CSNK1E: variants seen among roughly 807,000 people sequenced by gnomAD.
CSNK1E encodes casein kinase I isoform epsilon.
A neutral mutation model predicts 46.1 loss-of-function variants in CSNK1E; 17 were observed. The ratio of observed to expected loss-of-function variants is 0.37; its 90% CI spans 0.25 to 0.55. CSNK1E has a LOEUF of 0.55. CSNK1E is among the 20% of genes least tolerant of loss of function. The pLI, the probability that CSNK1E is intolerant of heterozygous loss-of-function variation, is 0.82. For missense variants in CSNK1E, 386 were observed against 595.4 expected, an observed-to-expected ratio of 0.65 and a Z score of 3.66; for synonymous variants, 241 against 242.6, an observed-to-expected ratio of 0.99 and a Z score of 0.06.
chr22:38,300,511 G>C lies in CSNK1E; in HGVS notation c.565+213C>G, dbSNP rs1420421293. ...GGAGGAGGAAGCAGGGCCAGGGAAGGCGCCCGGCACACACAGCTTGGCTTA... is the reference window on the plus strand; with the variant it reads ...GGAGGAGGAAGCAGGGCCAGGGAAGCCGCCCGGCACACACAGCTTGGCTTA... On this transcript the variant is annotated intron_variant, in intron 5 of 10. Coordinates refer to ENST00000396832, the MANE Select transcript of CSNK1E (RefSeq NM_152221.3). The surrounding 1 kb of genome is among the most constrained non-coding windows in gnomAD (Gnocchi z 4.4). Among the ~76,000 whole-genome samples, 1 of 152,374 alleles carries C rather than the reference G, an allele frequency of 6.6e-6. No homozygotes were observed. Among genetic ancestry groups the C allele is most frequent in the South Asian group, 2.1e-4 (1 of 4,832 alleles).
chr22:38,304,685 C>T (rs2145841208), intron 2 of CSNK1E, among the ~76,000 whole-genome samples: 1 of 152,322 alleles, frequency 6.6e-6, no homozygotes, highest in Middle Eastern at 3.4e-3. Flanking sequence ...GCACTCCTCA[C>T]AGCAGCCAGA....
Position 38,294,408 on chromosome 22 carries a change from C to T in CSNK1E, c.1012G>A (p.Ala338Thr). 6.4e-7 allele frequency: 1 copy of T among 1,557,586 alleles called. No homozygotes were observed. Among genetic ancestry groups the T allele is most frequent in the Non-Finnish European group, 8.7e-7 (1 of 1,153,764 alleles). Residue 338 changes from alanine to threonine, a missense_variant, in exon 8 of 11, where the codon GCC becomes ACC. Coordinates refer to ENST00000396832, the MANE Select transcript of CSNK1E (RefSeq NM_152221.3). The surrounding 1 kb of genome is among the most constrained non-coding windows in gnomAD (Gnocchi z 5.5). ...TCGGCGGCACTGCGGAGCCGGTTGG[C>T]AGTGGCCCCCGTGGGTGGGCCAGGG... ...LPPGPPTGAT[A>T]NRLRSAAEPV...
intron 4 of CSNK1E, among the ~76,000 whole-genome samples, chr22:38,302,641 G>A (rs1363747174): frequency 2.6e-5 from 4 of 152,196 alleles, no homozygotes; most frequent in Non-Finnish European, 4.4e-5. Flanking sequence ...AACCTGGGAG[G>A]CGGATGTTGC....
At chr22:38,306,557 C>T (rs935172025) in intron 2 of CSNK1E, among the ~76,000 whole-genome samples, 1 of 152,112 alleles carries the variant, frequency 6.6e-6, no homozygotes, top group African/African-American at 2.4e-5. Flanking sequence ...ATGGTGAAAC[C>T]CCATCTCCAT....
chr22:38,300,221 C>T lies in CSNK1E; in HGVS notation c.566-156G>A, dbSNP rs78340378. Among the ~76,000 whole-genome samples the T allele has an allele frequency of 0.013, 1,996 of 152,348 alleles. 54 individuals carry two copies. The highest frequency in any genetic ancestry group is 0.046 in the African/African-American group (1,904 of 41,578). On this transcript the variant is annotated intron_variant, in intron 5 of 10. Coordinates refer to ENST00000396832, the MANE Select transcript of CSNK1E (RefSeq NM_152221.3). The surrounding 1 kb of genome is among the most constrained non-coding windows in gnomAD (Gnocchi z 4.4). ...ATTTTAAACAGGCACTGCTATTATC[C>T]TCCTCCTACAGAGAAGAAGCCTGAG...
rs758990683 is a variant in CSNK1E at position 38,293,357 on chromosome 22, A to G, written c.1219-38T>C. 8 of 1,326,508 alleles carry G rather than the reference A, an allele frequency of 6.0e-6. No individual in the cohort carries two copies. The Admixed American group carries it at 1.0e-4, about 17-fold the overall frequency. 82.2% of individuals were successfully genotyped at this position (1,326,508 alleles called of 1,614,324 possible). On this transcript the variant is annotated intron_variant, in intron 9 of 10. Transcript: ENST00000396832. The stretch of plus-strand genomic sequence containing the variant: ...GGGAGGGAGAGAGGGGGAGGGAGAG[A>G]GAGGGAGGTACAAGCTTCAAGTCAA...
rs1439895327 is a variant in CSNK1E, at chr22:38,298,243, C to T, written c.885+543G>A. On this transcript the variant is annotated intron_variant, in intron 7 of 10. Coordinates refer to ENST00000396832, the MANE Select transcript of CSNK1E (RefSeq NM_152221.3). This position sits in a 1 kb window ranked among gnomAD's most constrained non-coding sequence, Gnocchi z 4.2. ...ATGTGAAACAAGACATACAATTTCACAGATTCCAGAGCTCTGGGTACGGCC... is the reference window on the plus strand; with the variant it reads ...ATGTGAAACAAGACATACAATTTCATAGATTCCAGAGCTCTGGGTACGGCC... 3.1e-6 allele frequency: 4 copies of T among 1,293,206 alleles called. No homozygotes were observed. The Admixed American group carries it at 6.9e-5, about 22-fold the overall frequency. 80.1% of individuals were successfully genotyped at this position (1,293,206 alleles called of 1,614,324 possible).
At chr22:38,301,263 C>T (rs1416551219) in intron 4 of CSNK1E, among the ~76,000 whole-genome samples, 1 of 152,152 alleles carries the variant, frequency 6.6e-6, no homozygotes, top group Non-Finnish European at 1.5e-5. Flanking sequence ...GCTTGCCTGC[C>T]CGGCCCCACA....
chr22:38,306,709 G>A (rs1029228145), intron 2 of CSNK1E, among the ~76,000 whole-genome samples: 4 of 146,844 alleles, frequency 2.7e-5, no homozygotes, highest in African/African-American at 5.1e-5. Context: ...CCAGCCTGGC[G>A]ACAGAGCAAG....
intron 4 of CSNK1E, among the ~76,000 whole-genome samples, chr22:38,301,165 G>A (rs973053447): frequency 6.6e-6 from 1 of 152,224 alleles, no homozygotes; most frequent in Non-Finnish European, 1.5e-5. Context: ...TTGGCTGTGA[G>A]ACAGAGAAAG....
In CSNK1E at chr22:38,294,595, C is replaced by A; in HGVS notation, c.886-61G>T. ...AGAGGCCAGGGTGCTCTGGGCCCAG[C>A]AGCCCTGCAGGGCACAGAAGGGGAG... On this transcript the variant is annotated intron_variant, in intron 7 of 10. Coordinates refer to ENST00000396832, the MANE Select transcript of CSNK1E (RefSeq NM_152221.3). The surrounding 1 kb of genome is among the most constrained non-coding windows in gnomAD (Gnocchi z 5.5). 1.4e-6 allele frequency: 2 copies of A among 1,472,426 alleles called. No homozygotes were observed. Among genetic ancestry groups the A allele is most frequent in the Admixed American group, 2.5e-5 (1 of 39,594 alleles). 91.2% of individuals were successfully genotyped at this position (1,472,426 alleles called of 1,614,324 possible).
At chr22:38,297,291 C>G (rs1602543844) in intron 7 of CSNK1E, 1 of 619,512 alleles carries the variant, frequency 1.6e-6, no homozygotes, top group South Asian at 1.8e-5. Flanking sequence ...GAGCTGGTCC[C>G]AGGTGCTCAA....
chr22:38,299,700 G>C (rs569522127), intron 6 of CSNK1E, among the ~76,000 whole-genome samples, 195 bp downstream of exon 6: 1 of 152,364 alleles, frequency 6.6e-6, no homozygotes, highest in South Asian at 2.1e-4. Context: ...AGTAGAGACA[G>C]GGTTTCACCA....
chr22:38,302,804 G>A, intron 4 of CSNK1E, 57 bp downstream of exon 4: 1 of 1,601,982 alleles, frequency 6.2e-7, no homozygotes, highest in Non-Finnish European at 8.5e-7. Context: ...CAGGAGGCAG[G>A]GCTGGTATCC....
intron 2 of CSNK1E, among the ~76,000 whole-genome samples, chr22:38,305,940 CG>C (rs761108100): frequency 2.0e-5 from 3 of 152,230 alleles, no homozygotes; most frequent in Non-Finnish European, 4.4e-5. Context: ...CAAAACAAGG[CG>C]GGGACAAGGC....
chr22:38,302,186 C>T (rs1401958266), intron 4 of CSNK1E, among the ~76,000 whole-genome samples: 3 of 152,048 alleles, frequency 2.0e-5, no homozygotes, highest in African/African-American at 7.2e-5. Context: ...TCTGTGTGAC[C>T]GACCGCAGGC....
chr22:38,303,316 T>A lies in CSNK1E; in HGVS notation c.77-68A>T. The stretch of plus-strand genomic sequence containing the variant: ...GGCCAGGCAGTCCCAGGCGCCCCAC[T>A]AAGCATTTCTGAGATCTGGCGTGTG... On this transcript the variant is annotated intron_variant, in intron 2 of 10. Transcript: ENST00000396832. This position sits in a 1 kb window ranked among gnomAD's most constrained non-coding sequence, Gnocchi z 4.7. 1 of 1,343,700 alleles carries A rather than the reference T, an allele frequency of 7.4e-7. No homozygotes were observed. Among genetic ancestry groups the A allele is most frequent in the Non-Finnish European group, 1.0e-6 (1 of 979,972 alleles). 83.2% of individuals were successfully genotyped at this position (1,343,700 alleles called of 1,614,324 possible). A position where few individuals can be genotyped will look rare whatever the true frequency, so the allele number is the denominator to read the frequency against.
chr22:38,313,019 G>A (rs1298488948), intron 2 of CSNK1E, among the ~76,000 whole-genome samples: 1 of 152,160 alleles, frequency 6.6e-6, no homozygotes, highest in Non-Finnish European at 1.5e-5. Flanking sequence ...ACTATCTCTA[G>A]GGGCTGCAGA....
In CSNK1E at chr22:38,298,282, C is replaced by T; in HGVS notation, c.885+504G>A. On this transcript the variant is annotated intron_variant, in intron 7 of 10. Coordinates refer to ENST00000396832, the MANE Select transcript of CSNK1E (RefSeq NM_152221.3). This position sits in a 1 kb window ranked among gnomAD's most constrained non-coding sequence, Gnocchi z 4.2. ...CTGGGTACGGCCGGCCAATGCTGCT[C>T]CCCACCCAACCCCACCCCTGGGACT... 1.0e-6 allele frequency: 1 copy of T among 1,000,234 alleles called. No individual in the cohort carries two copies. The highest frequency in any genetic ancestry group is 1.4e-6 in the Non-Finnish European group (1 of 734,698). 62.0% of individuals were successfully genotyped at this position (1,000,234 alleles called of 1,614,324 possible). A position where few individuals can be genotyped will look rare whatever the true frequency, so the allele number is the denominator to read the frequency against.
Sources: allele counts gnomAD v4.1 joint callset (sites outside exome capture counted in the v4.1 genomes callset), GRCh38; gene constraint gnomAD v4.1.1; non-coding constraint Gnocchi (gnomAD v3.1); transcripts MANE v1.5; gene names NCBI Gene and HGNC (gene_info 2026-07-23, HGNC 2026-07-21).